Variants in ZNF541 observed in about 807,000 individuals in gnomAD.
The protein encoded by ZNF541 is zinc finger protein 541.
A neutral mutation model predicts 123.5 loss-of-function variants in ZNF541; 23 were observed. That is an observed-to-expected ratio of 0.19 (90% CI 0.13 to 0.26). The LOEUF is 0.26. Among genes scored for constraint, ZNF541 ranks in the 10% least tolerant of loss-of-function variants. The probability of loss-of-function intolerance (pLI) is 1.00; values close to 1 mark genes in which losing one functional copy is unlikely to be tolerated. For synonymous variants in ZNF541, 751 were observed against 754.5 expected, an observed-to-expected ratio of 1.00 and a Z score of 0.08; for missense variants, 1,612 against 1,789.9, an observed-to-expected ratio of 0.90 and a Z score of 1.79.
In ZNF541 at chr19:47,521,560, G is replaced by C. The variant is rs1320687326; in HGVS notation, c.3806C>G (p.Pro1269Arg). ...YRRESILSSS[P>R]NAGSKRTPEL... ...GGGGGTCCGCTTGGAGCCTGCATTT[G>C]GGCTGGAGCTGAGGATGGACTCCCT... The change falls in exon 16 of 17, where the codon CCA becomes CGA. Residue 1269 changes from proline to arginine, a missense_variant. By Grantham distance (103) the Pro-to-Arg change is moderately radical. Coordinates refer to ENST00000391901, the MANE Select transcript of ZNF541 (RefSeq NM_001277075.3). The surrounding 1 kb of genome is among the most constrained non-coding windows in gnomAD (Gnocchi z 4.2). 6.4e-7 allele frequency: 1 copy of C among 1,551,576 alleles called. No individual in the cohort carries two copies. The highest frequency in any genetic ancestry group is 8.7e-7 in the Non-Finnish European group (1 of 1,147,000).
chr19:47,537,958 A>C (rs1416795677), intron 9 of ZNF541, among the ~76,000 whole-genome samples, 184 bp downstream of exon 9: 1 of 152,196 alleles, frequency 6.6e-6, no homozygotes, highest in Admixed American at 6.6e-5. Flanking sequence ...TCGGGCTGTA[A>C]AATTCTATGC....
intron 4 of ZNF541, 125 bp from the exon 5 acceptor site, chr19:47,546,105 C>T: frequency 1.2e-6 from 1 of 835,672 alleles, no homozygotes; most frequent in Non-Finnish European, 1.7e-6. Flanking sequence ...TGTACTCAGC[C>T]CCCACGAGGA....
chr19:47,521,952 T>C lies in ZNF541; in HGVS notation c.3613A>G (p.Ile1205Val), dbSNP rs1330251112. The C allele has an allele frequency of 2.6e-6, 4 of 1,552,078 alleles. No homozygotes were observed. Among genetic ancestry groups the C allele is most frequent in the Admixed American group, 2.0e-5 (1 of 51,002 alleles). Reference protein sequence around the residue: ...TVAQCVEYYYIWKKMIKFDCG... With the variant: ...TVAQCVEYYYVWKKMIKFDCG... ...TCAAACTTGATCATTTTTTTCCAGA[T>C]GTAATAATACTCAACGCACTGAGCT... Residue 1205 changes from isoleucine (I) to valine (V), a missense_variant, in exon 15 of 17, where the codon ATC becomes GTC. Physicochemically the swap from Ile to Val is conservative, Grantham distance 29. This residue lies in a region of ZNF541 where 285 missense variants were observed against 407.3 expected (regional missense o/e 0.70). Transcript: ENST00000391901. The surrounding 1 kb of genome is among the most constrained non-coding windows in gnomAD (Gnocchi z 4.2).
Position 47,555,611 on chromosome 19 carries a change from G to A in ZNF541, c.246C>T (p.Asp82=). ...CCTCCAGCAGCTTCACAGAATCACT[G>A]TCCTTCCCGGAGTACAGGGACAAGG... ...LDTLSLYSGK[D]SDSVKLLEEY... is the part of the protein sequence containing the mutation. The change falls in exon 3 of 17, where the codon GAC becomes GAT. Residue 82 remains aspartate, a synonymous_variant. Coordinates refer to ENST00000391901, the MANE Select transcript of ZNF541 (RefSeq NM_001277075.3). 6.4e-7 allele frequency: 1 copy of A among 1,551,552 alleles called. No homozygotes were observed. Among genetic ancestry groups the A allele is most frequent in the Non-Finnish European group, 8.7e-7 (1 of 1,146,946 alleles).
At chr19:47,571,025 C>T (rs1344457258) in intron 2 of ZNF541, among the ~76,000 whole-genome samples, 2 of 151,968 alleles carry the variant, frequency 1.3e-5, no homozygotes, top group Middle Eastern at 3.2e-3. Flanking sequence ...TACACATGTG[C>T]CCAAGCAGAC....
Position 47,521,992 on chromosome 19 carries a change from G to A in ZNF541, c.3573C>T (p.Ile1191=). 6.4e-7 allele frequency: 1 copy of A among 1,551,988 alleles called. No homozygotes were observed. The part of the protein sequence containing the change: ...KKDFYLIHKM[I]QTKTVAQCVE... ...CGCACTGAGCTACCGTCTTTGTCTG[G>A]ATCTAGTGAAAGAAAACAAGCAGGC... Residue 1191 remains isoleucine, a splice_region_variant and synonymous_variant, in exon 15 of 17, where the codon ATC becomes ATT. Transcript: ENST00000391901. The surrounding 1 kb of genome is among the most constrained non-coding windows in gnomAD (Gnocchi z 4.2).
At chr19:47,554,709 T>C (rs1970740528) in intron 3 of ZNF541, among the ~76,000 whole-genome samples, 1 of 152,182 alleles carries the variant, frequency 6.6e-6, no homozygotes, top group Admixed American at 6.5e-5. Context: ...AATGCTAACA[T>C]CTGCCCACAC....
At chr19:47,549,145 G>A (rs992357304) in intron 4 of ZNF541, 100 bp downstream of exon 4, 10 of 1,490,694 alleles carry the variant, frequency 6.7e-6, no homozygotes, top group Non-Finnish European at 9.0e-6. Context: ...AACAGAGGAC[G>A]AGACAGCAGG....
In ZNF541 at chr19:47,532,970, G is replaced by C. The variant is rs557382497; in HGVS notation, c.3097C>G (p.Gln1033Glu). The change falls in exon 10 of 17, where the codon CAA becomes GAA. Residue 1033 changes from glutamine (Q) to glutamate (E), a missense_variant and splice_region_variant. By Grantham distance (29) the Gln-to-Glu change is conservative (BLOSUM62 2). Around this residue, in one of 5 missense-constraint regions of ZNF541, gnomAD observed 285 missense variants for 407.3 expected, o/e 0.70. Transcript: ENST00000391901. Reference protein sequence around the residue: ...PDQLISSMLDQVDGSFGICVV... With the variant: ...PDQLISSMLDEVDGSFGICVV... ...CAGATGCCAAAGGACCCATCCACTT[G>C]ATCTAGAAAGCACAGAGTGAAAAGG... The C allele has an allele frequency of 5.8e-6, 9 of 1,549,236 alleles. No individual in the cohort carries two copies. In the East Asian group the frequency reaches 2.2e-4, roughly 38 times the overall value.
intron 14 of ZNF541, among the ~76,000 whole-genome samples, chr19:47,526,886 T>C (rs1010311340): frequency 1.1e-4 from 16 of 152,202 alleles, no homozygotes; most frequent in Non-Finnish European, 1.6e-4. Context: ...TGAATGTTCA[T>C]AACGAATTTA....
intron 2 of ZNF541, among the ~76,000 whole-genome samples, chr19:47,560,293 G>A (rs748786771): frequency 2.6e-5 from 4 of 152,062 alleles, no homozygotes; most frequent in Non-Finnish European, 4.4e-5. Flanking sequence ...TTGAAAAAAT[G>A]AGCCAGGCAT....
In ZNF541 at chr19:47,538,261, G is replaced by C; in HGVS notation, c.2975C>G (p.Ser992Cys). Residue 992 changes from serine (S) to cysteine (C), a missense_variant, in exon 9 of 17, where the codon TCC becomes TGC. Around this residue, in one of 5 missense-constraint regions of ZNF541, gnomAD observed 285 missense variants for 407.3 expected, o/e 0.70. Transcript: ENST00000391901. ...DCLLKGLFQCSPYTPPPMLSP... is the reference protein window; with the variant it reads ...DCLLKGLFQCCPYTPPPMLSP... Reference sequence around the variant, plus strand: ...GAGCATTGGGGGTGGTGTGTAGGGGGAGCACTGGAATAAGCCCTTCAGGAG... The same window carrying C: ...GAGCATTGGGGGTGGTGTGTAGGGGCAGCACTGGAATAAGCCCTTCAGGAG... The C allele has an allele frequency of 6.4e-7, 1 of 1,551,466 alleles. No individual in the cohort carries two copies. The highest frequency in any genetic ancestry group is 8.7e-7 in the Non-Finnish European group (1 of 1,146,884).
At position 47,545,246 on chromosome 19, in the gene ZNF541, T is replaced by C; in HGVS notation, c.1283A>G (p.Asn428Ser). ...NLPGCPKSKG[N>S]NVFVVHKPSA... is the part of the protein sequence containing the mutation. ...GGGCTTGTGGACAACAAACACGTTG[T>C]TGCCTTTGCTTTTGGGACAGCCCGG... is the stretch of plus-strand genomic sequence containing the variant. Residue 428 changes from asparagine (N) to serine (S), a missense_variant, in exon 5 of 17, where the codon AAC becomes AGC. Transcript: ENST00000391901. The surrounding 1 kb of genome is among the most constrained non-coding windows in gnomAD (Gnocchi z 7.5). 1 of 1,548,418 alleles carries C rather than the reference T, an allele frequency of 6.5e-7. No homozygotes were observed. Among genetic ancestry groups the C allele is most frequent in the South Asian group, 1.2e-5 (1 of 84,032 alleles).
intron 9 of ZNF541, among the ~76,000 whole-genome samples, chr19:47,537,879 A>G (rs1969895309): frequency 6.6e-6 from 1 of 152,122 alleles, no homozygotes; most frequent in Non-Finnish European, 1.5e-5. Context: ...TGCCTCAAAA[A>G]AGAAAAAGAA....
At chr19:47,570,093 T>C (rs1971420039) in intron 2 of ZNF541, among the ~76,000 whole-genome samples, 1 of 147,236 alleles carries the variant, frequency 6.8e-6, no homozygotes, top group Admixed American at 6.8e-5. Flanking sequence ...GCTAACACGG[T>C]GAAATCCTGT....
rs941777580 is a variant in ZNF541, at chr19:47,539,517, G to A, written c.2796+188C>T. 4.6e-5 allele frequency among the ~76,000 whole-genome samples: 7 copies of A among 151,928 alleles called. No individual in the cohort carries two copies. The East Asian group carries it at 5.8e-4, about 13-fold the overall frequency. On this transcript the variant is annotated intron_variant, in intron 8 of 16. Coordinates refer to ENST00000391901, the MANE Select transcript of ZNF541 (RefSeq NM_001277075.3). Reference sequence around the variant, plus strand: ...GGGTTTCACCATGTTGCCCAGGCTGGTCTCGAATACCTGAGCTCAGGCAAT... The same window carrying A: ...GGGTTTCACCATGTTGCCCAGGCTGATCTCGAATACCTGAGCTCAGGCAAT...
In ZNF541 at chr19:47,532,946, A is replaced by G. The variant is rs944192347; in HGVS notation, c.3121T>C (p.Cys1041Arg). The change falls in exon 10 of 17, where the codon TGT becomes CGT. Residue 1041 changes from cysteine to arginine, a missense_variant. Transcript: ENST00000391901. ...ATTTTGGTGTCATCCTTCACCACAC[A>G]GATGCCAAAGGACCCATCCACTTGA... ...LDQVDGSFGI[C>R]VVKDDTKISI... 26 of 1,550,266 alleles carry G rather than the reference A, an allele frequency of 1.7e-5. No homozygotes were observed. The highest frequency in any genetic ancestry group is 2.3e-5 in the Non-Finnish European group (26 of 1,146,268).
chr19:47,529,753 G>A, intron 12 of ZNF541, 101 bp from the exon 13 acceptor site: 1 of 1,110,956 alleles, frequency 9.0e-7, no homozygotes, highest in Non-Finnish European at 1.3e-6. Context: ...TGTCCCTGAA[G>A]ACACTGCCTG....
At chr19:47,537,563 CAAAAA>C (rs369951057) in intron 9 of ZNF541, among the ~76,000 whole-genome samples, 1 of 56,504 alleles carries the variant, frequency 1.8e-5, no homozygotes. Context: ...TACTCTGTCT[CAAAAA>C]AAAAAAAAAA....
Sources: gnomAD v4.1 joint callset for allele counts (sites outside exome capture counted in the v4.1 genomes callset) on GRCh38, gnomAD v4.1.1 for gene constraint, gnomAD v4.1.1 regional missense constraint, Gnocchi (gnomAD v3.1) non-coding constraint, MANE v1.5 for transcripts, NCBI Gene and HGNC (gene_info 2026-07-23, HGNC 2026-07-21) for gene names.